The following STIL variants were observed in gnomAD, a reference collection of about 807,000 sequenced individuals.
STIL encodes the protein STIL centriolar assembly protein, also known as SCL-interrupting locus protein.
STIL carries 55 observed loss-of-function variants against 110.1 expected under a neutral mutation model. The ratio of observed to expected loss-of-function variants is 0.50; its 90% confidence interval spans 0.40 to 0.63. STIL has a LOEUF of 0.63. STIL is among the 20% of genes least tolerant of loss of function. The probability of loss-of-function intolerance (pLI) is 0.00; values close to 1 mark genes in which losing one functional copy is unlikely to be tolerated. For missense variants in STIL, 1,358 were observed against 1,530.0 expected (o/e 0.89, Z 1.87); for synonymous variants, 481 against 530.0 (o/e 0.91, Z 1.27).
At position 47,281,137 on chromosome 1, in the gene STIL, G is replaced by C. The variant is rs1301416679; in HGVS notation, c.1321C>G (p.Leu441Val). 2.5e-6 allele frequency: 4 copies of C among 1,614,020 alleles called. No individual in the cohort carries two copies. Among genetic ancestry groups the C allele is most frequent in the Non-Finnish European group, 3.4e-6 (4 of 1,180,036 alleles). ...LDGNFIESNPLPTPLEMVNNE... is the reference protein window; with the variant it reads ...LDGNFIESNPVPTPLEMVNNE... ...TTCACCATTTCCAATGGAGTAGGCA[G>C]AGGGTTTGATTCTATGAAATTGCCA... Residue 441 changes from leucine to valine, a missense_variant, in exon 12 of 17, where the codon CTG becomes GTG. By Grantham distance (32) the Leu-to-Val change is conservative (BLOSUM62 1). Coordinates refer to ENST00000371877, the MANE Select transcript of STIL (RefSeq NM_001048166.1).
At chr1:47,255,166 A>G (rs1261965565) in intron 16 of STIL, among the ~76,000 whole-genome samples, 1 of 152,144 alleles carries the variant, frequency 6.6e-6, no homozygotes, top group African/African-American at 2.4e-5. Flanking sequence ...AAAGCATATA[A>G]ACACTAGGGT....
intron 16 of STIL, among the ~76,000 whole-genome samples, chr1:47,257,643 C>G (rs1644364166): frequency 6.6e-6 from 1 of 152,224 alleles, no homozygotes; most frequent in African/African-American, 2.4e-5. Context: ...TCAATTACAA[C>G]ACAGTATGAA....
intron 1 of STIL, among the ~76,000 whole-genome samples, chr1:47,310,689 AC>A (rs1646097333): frequency 6.6e-6 from 1 of 152,184 alleles, no homozygotes; most frequent in South Asian, 2.1e-4. Flanking sequence ...TGAGATTTTG[AC>A]CAAAAACCTT....
intron 12 of STIL, among the ~76,000 whole-genome samples, chr1:47,274,041 G>A (rs1241070701): frequency 6.6e-6 from 1 of 152,134 alleles, no homozygotes; most frequent in Non-Finnish European, 1.5e-5. Flanking sequence ...AAATAAAACA[G>A]TTGTAATTTG....
At chr1:47,309,572 A>G (rs949603325) in intron 2 of STIL, among the ~76,000 whole-genome samples, 1 of 152,248 alleles carries the variant, frequency 6.6e-6, no homozygotes, top group Non-Finnish European at 1.5e-5. Flanking sequence ...CATTACAGAG[A>G]ATAAAGGCGA....
intron 12 of STIL, among the ~76,000 whole-genome samples, chr1:47,278,534 A>T (rs1340265330): frequency 6.6e-6 from 1 of 152,166 alleles, no homozygotes; most frequent in African/African-American, 2.4e-5. Context: ...TCTAAATAGT[A>T]TAATGGGTCC....
chr1:47,266,897 T>G (rs888703769), intron 14 of STIL, among the ~76,000 whole-genome samples: 1 of 152,214 alleles, frequency 6.6e-6, no homozygotes, highest in Non-Finnish European at 1.5e-5. Flanking sequence ...TTAAAAAATC[T>G]TTTCTATATC....
At position 47,251,125 on chromosome 1, in the gene STIL, G is replaced by C; in HGVS notation, c.*11C>G. On this transcript the variant is annotated 3_prime_UTR_variant, in exon 17 of 17. Transcript: ENST00000371877. Reference sequence around the variant, plus strand: ...CCTGTCCCTGTATTAAAAGGGCAGGGAGTTAAAAGGTTAAAATAATTTTGG... The same window carrying C: ...CCTGTCCCTGTATTAAAAGGGCAGGCAGTTAAAAGGTTAAAATAATTTTGG... 6.2e-7 allele frequency: 1 copy of C among 1,612,680 alleles called. No individual in the cohort carries two copies.
Position 47,251,058 on chromosome 1 carries a change from T to C in STIL, c.*78A>G. 3 of 1,370,174 alleles carry C rather than the reference T, an allele frequency of 2.2e-6. No individual in the cohort carries two copies. The highest frequency in any genetic ancestry group is 3.0e-6 in the Non-Finnish European group (3 of 992,704). The allele number at this position is 1,370,174 out of a possible 1,614,324, so 84.9% of individuals were successfully genotyped here. A position where few individuals can be genotyped will look rare whatever the true frequency, so the allele number is the denominator to read the frequency against. The stretch of plus-strand genomic sequence containing the variant: ...GTGACTCCAGAATGATCAGGAGCCT[T>C]GTGGTAGGCTCCTGTTTTCCCTAAG... On this transcript the variant is annotated 3_prime_UTR_variant, in exon 17 of 17. Coordinates refer to ENST00000371877, the MANE Select transcript of STIL (RefSeq NM_001048166.1).
At chr1:47,313,481 G>A (rs907594193) in intron 1 of STIL, among the ~76,000 whole-genome samples, 3 of 151,584 alleles carry the variant, frequency 2.0e-5, no homozygotes, top group South Asian at 2.1e-4. Context: ...TACTTGCAGT[G>A]CCCCGGTTTC....
intron 12 of STIL, among the ~76,000 whole-genome samples, chr1:47,274,119 A>G (rs1237619156): frequency 6.6e-6 from 1 of 152,066 alleles, no homozygotes; most frequent in Non-Finnish European, 1.5e-5. Flanking sequence ...CACTCATTTA[A>G]TCTTTAAATC....
At position 47,251,408 on chromosome 1, in the gene STIL, T is replaced by C. The variant is rs745797942; in HGVS notation, c.3595A>G (p.Ile1199Val). ...TTTGTCTGCAAAACTTCATTTGTAA[T>C]ATTTCTCAATACTGGCGTATCTGCG... ...TNADTPVLRNITNEVLQTKAK... is the reference protein window; with the variant it reads ...TNADTPVLRNVTNEVLQTKAK... Residue 1199 changes from isoleucine to valine, a missense_variant, in exon 17 of 17, where the codon ATT (isoleucine) becomes GTT (valine). Coordinates refer to ENST00000371877, the MANE Select transcript of STIL (RefSeq NM_001048166.1). 15 of 1,614,238 alleles carry C rather than the reference T, an allele frequency of 9.3e-6. No homozygotes were observed. Among genetic ancestry groups the C allele is most frequent in the Non-Finnish European group, 1.3e-5 (15 of 1,180,036 alleles).
upstream of STIL, among the ~76,000 whole-genome samples, chr1:47,314,558 C>G (rs1414781895): frequency 1.3e-5 from 2 of 152,226 alleles, no homozygotes; most frequent in Admixed American, 6.5e-5. Flanking sequence ...TTTCCAAACT[C>G]TTTACCTGAA....
intron 16 of STIL, among the ~76,000 whole-genome samples, chr1:47,259,180 G>A (rs1359899946): frequency 6.6e-6 from 1 of 150,778 alleles, no homozygotes; most frequent in Non-Finnish European, 1.5e-5. Flanking sequence ...TAGAGACGGG[G>A]TTTCACCGTG....
Position 47,301,569 on chromosome 1 carries a change from C to A in STIL, c.445G>T (p.Ala149Ser). The change falls in exon 5 of 17, where the codon GCT (alanine) becomes TCT (serine). Residue 149 changes from alanine (A) to serine (S), a missense_variant. Ala to Ser is a moderately conservative substitution (Grantham distance 99). Transcript: ENST00000371877. ...TTGTCAATGAATCGCACCTTTAAAG[C>A]TGAACTGAAGTCATCTACACTGTGA... ...IVHSVDDFSS[A>S]LKALQCHICS... The A allele has an allele frequency of 6.2e-7, 1 of 1,613,226 alleles. No individual in the cohort carries two copies. Among genetic ancestry groups the A allele is most frequent in the South Asian group, 1.1e-5 (1 of 91,044 alleles).
chr1:47,302,072 C>G (rs1377371116), intron 4 of STIL, among the ~76,000 whole-genome samples, 162 bp downstream of exon 4: 1 of 152,162 alleles, frequency 6.6e-6, no homozygotes, highest in Non-Finnish European at 1.5e-5. Flanking sequence ...CTATTGCAGT[C>G]ATACAAGTAA....
chr1:47,301,714 A>G lies in STIL; in HGVS notation c.300T>C (p.Phe100=), dbSNP rs936603116. 2 of 1,614,084 alleles carry G rather than the reference A, an allele frequency of 1.2e-6. No homozygotes were observed. The highest frequency in any genetic ancestry group is 1.7e-6 in the Non-Finnish European group (2 of 1,180,014). Residue 100 remains phenylalanine, a synonymous_variant, in exon 5 of 17, where the codon TTT becomes TTC. Transcript: ENST00000371877. ...ATTCAGGTACTTCTCGACCAGGATC[A>G]AAGCGATCTACTGTCAATGTTACAC... is the stretch of plus-strand genomic sequence containing the variant. ...EEGVTLTVDR[F]DPGREVPECL...
At chr1:47,264,804 C>T (rs910104994) in intron 14 of STIL, among the ~76,000 whole-genome samples, 7 of 151,912 alleles carry the variant, frequency 4.6e-5, no homozygotes, top group African/African-American at 1.7e-4. Flanking sequence ...ATCAACAACC[C>T]AAATCAATGC....
chr1:47,300,967 T>C (rs1052790595), intron 5 of STIL, among the ~76,000 whole-genome samples: 3 of 152,216 alleles, frequency 2.0e-5, no homozygotes, highest in Non-Finnish European at 4.4e-5. Context: ...CAATGGCTAC[T>C]CTAACTTCGG....
Sources: allele counts gnomAD v4.1 joint callset (sites outside exome capture counted in the v4.1 genomes callset), GRCh38; gene constraint gnomAD v4.1.1; transcripts MANE v1.5; gene names NCBI Gene and HGNC (gene_info 2026-07-23, HGNC 2026-07-21).